The following NDUFA9 variants were observed in gnomAD, a reference collection of about 807,000 sequenced individuals.
NDUFA9 encodes the protein NADH dehydrogenase [ubiquinone] 1 alpha subcomplex subunit 9, mitochondrial.
A neutral mutation model predicts 45.9 loss-of-function variants in NDUFA9; 23 were observed. That is an observed-to-expected ratio of 0.50 (90% CI 0.36 to 0.71). The LOEUF (loss-of-function observed/expected upper bound fraction) is 0.71, where lower values mean the gene tolerates loss of function less well. Among genes scored for constraint, NDUFA9 ranks in the 30% least tolerant of loss-of-function variants. The pLI, the probability that NDUFA9 is intolerant of heterozygous loss-of-function variation, is 0.00. For missense variants in NDUFA9, 466 were observed against 488.2 expected (o/e 0.95, Z 0.43); for synonymous variants, 176 against 170.5 (o/e 1.03, Z -0.25).
At chr12:4,678,201 G>A (rs562052858) in intron 8 of NDUFA9, among the ~76,000 whole-genome samples, 1 of 151,948 alleles carries the variant, frequency 6.6e-6, no homozygotes, top group African/African-American at 2.4e-5. Context: ...GTTGATGGGT[G>A]CAGCAAACCA....
chr12:4,658,974 G>A (rs1051402251), intron 4 of NDUFA9, 62 bp from the exon 5 acceptor site: 75 of 1,479,290 alleles, frequency 5.1e-5, no homozygotes, highest in Middle Eastern at 2.4e-4. Context: ...ATCTTATCAC[G>A]TAAAGCTTTG....
chr12:4,681,428 C>G (rs1489442332), intron 8 of NDUFA9, among the ~76,000 whole-genome samples: 11 of 149,726 alleles, frequency 7.3e-5, no homozygotes, highest in African/African-American at 2.7e-4. Flanking sequence ...TATAAATGAC[C>G]AAAAATTCGT....
In NDUFA9 at chr12:4,685,218, G is replaced by A. The variant is rs780026348; in HGVS notation, c.897-41G>A. 1.4e-4 allele frequency: 213 copies of A among 1,536,870 alleles called. 3 individuals are homozygous for A. The South Asian group carries it at 1.7e-3, about 12-fold the overall frequency. On this transcript the variant is annotated intron_variant, in intron 9 of 10. Transcript: ENST00000266544. ...TAGGCTAGCTTACATCTTGGGCAGAGAGATGCTTATCACATGTGCTATATG... is the reference window on the plus strand; with the variant it reads ...TAGGCTAGCTTACATCTTGGGCAGAAAGATGCTTATCACATGTGCTATATG...
intron 8 of NDUFA9, among the ~76,000 whole-genome samples, chr12:4,677,702 G>A (rs1342489622): frequency 6.6e-6 from 1 of 151,404 alleles, no homozygotes; most frequent in Non-Finnish European, 1.5e-5. Flanking sequence ...TGGTGGAAGT[G>A]TAAACCATTG....
rs568711777 is a variant in NDUFA9, at chr12:4,656,999, CTCTCTT to C, written c.319-740_319-735del. 1.6e-4 allele frequency among the ~76,000 whole-genome samples: 24 copies of C among 152,320 alleles called. No individual in the cohort carries two copies. The South Asian group carries it at 3.9e-3, about 25-fold the overall frequency. ...TAAATTAAACAGACATCCTAGTTCT[CTCTCTT>C]TCTCTTTCATCCCCACTTTCTTTCT... is the stretch of plus-strand genomic sequence containing the variant. On this transcript the variant is annotated intron_variant, in intron 3 of 10. Transcript: ENST00000266544.
chr12:4,668,650 C>G, intron 7 of NDUFA9, 126 bp downstream of exon 7: 1 of 858,822 alleles, frequency 1.2e-6, no homozygotes, highest in South Asian at 1.5e-5. Flanking sequence ...TGTCAGCTAG[C>G]TGCCTCTTAG....
intron 8 of NDUFA9, among the ~76,000 whole-genome samples, chr12:4,676,836 T>C (rs552401981): frequency 6.6e-6 from 1 of 152,272 alleles, no homozygotes; most frequent in Non-Finnish European, 1.5e-5. Context: ...AGAGCCCACA[T>C]AGCCAAGACA....
Position 4,649,141 on chromosome 12 carries a change from A to G in NDUFA9, c.15A>G (p.Ala5=). 1 of 1,605,166 alleles carries G rather than the reference A, an allele frequency of 6.2e-7. No homozygotes were observed. Among genetic ancestry groups the G allele is most frequent in the Non-Finnish European group, 8.5e-7 (1 of 1,176,120 alleles). The change falls in exon 1 of 11, where the codon GCA becomes GCG. Residue 5 remains alanine (A), a synonymous_variant. Transcript: ENST00000266544. MAAA[A]QSRVVRVLSM... is the part of the protein sequence containing the mutation. ...TGTGGGAAAAGATGGCGGCTGCCGC[A>G]CAATCCCGGGTTGTCCGGGTCCTGT...
chr12:4,653,447 G>A, intron 1 of NDUFA9: 1 of 300,446 alleles, frequency 3.3e-6, no homozygotes, highest in Non-Finnish European at 6.4e-6. Context: ...CTCCACAGGT[G>A]TTCAGGCAAA....
intron 1 of NDUFA9, among the ~76,000 whole-genome samples, chr12:4,653,990 C>T (rs1945774455): frequency 6.6e-6 from 1 of 152,148 alleles, no homozygotes; most frequent in South Asian, 2.1e-4. Context: ...TACATATTCT[C>T]AGTTCCTTTT....
intron 1 of NDUFA9, among the ~76,000 whole-genome samples, chr12:4,651,901 C>A (rs1315941437): frequency 6.6e-6 from 1 of 152,196 alleles, no homozygotes; most frequent in Non-Finnish European, 1.5e-5. Context: ...GGGAAAACTT[C>A]AGACTAACTG....
At position 4,687,144 on chromosome 12, in the gene NDUFA9, G is replaced by C. The variant is rs780779144; in HGVS notation, c.*36G>C. ...GCAGCTCTTGGTTTTGGCGTCTTTT[G>C]GGTCGGCCCATGTGGTTTGAGCACC... On this transcript the variant is annotated 3_prime_UTR_variant, in exon 11 of 11. Transcript: ENST00000266544. 1.9e-6 allele frequency: 3 copies of C among 1,607,128 alleles called. No homozygotes were observed. The African/African-American group carries it at 4.0e-5, about 21-fold the overall frequency.
intron 8 of NDUFA9, among the ~76,000 whole-genome samples, chr12:4,673,611 AAAGAC>A (rs1407292143): frequency 1.6e-5 from 2 of 126,864 alleles, no homozygotes; most frequent in East Asian, 2.3e-4. Flanking sequence ...AATAAAGTGA[AAAGAC>A]AAGATAAGAG....
intron 8 of NDUFA9, among the ~76,000 whole-genome samples, chr12:4,672,340 T>C: frequency 6.6e-6 from 1 of 152,124 alleles, no homozygotes; most frequent in East Asian, 1.9e-4. Flanking sequence ...CGCAGGAGTT[T>C]TTTTTCCATA....
At chr12:4,650,313 T>C (rs1014733046) in intron 1 of NDUFA9, among the ~76,000 whole-genome samples, 1 of 152,166 alleles carries the variant, frequency 6.6e-6, no homozygotes, top group Non-Finnish European at 1.5e-5. Flanking sequence ...ACATCACTTA[T>C]AGTGGATGGT....
intron 8 of NDUFA9, among the ~76,000 whole-genome samples, chr12:4,678,966 A>C (rs1160421377): frequency 6.6e-6 from 1 of 152,204 alleles, no homozygotes; most frequent in Non-Finnish European, 1.5e-5. Context: ...AAAGATTTGC[A>C]CTTGAATTTT....
At position 4,685,251 on chromosome 12, in the gene NDUFA9, C is replaced by T. The variant is rs2137488744; in HGVS notation, c.897-8C>T. On this transcript the variant is annotated splice_region_variant and splice_polypyrimidine_tract_variant and intron_variant, in intron 9 of 10. Coordinates refer to ENST00000266544, the MANE Select transcript of NDUFA9 (RefSeq NM_005002.5). Reference sequence around the variant, plus strand: ...TATCACATGTGCTATATGTATTTCTCTTTCCAGATGGGTAGCAAGAGTCTT... The same window carrying T: ...TATCACATGTGCTATATGTATTTCTTTTTCCAGATGGGTAGCAAGAGTCTT... 1.2e-6 allele frequency: 2 copies of T among 1,611,702 alleles called. No individual in the cohort carries two copies. The highest frequency in any genetic ancestry group is 1.3e-5 in the African/African-American group (1 of 74,988).
intron 8 of NDUFA9, among the ~76,000 whole-genome samples, chr12:4,673,093 T>TGATACCCACACCTCTG (rs1280227038): frequency 6.6e-6 from 1 of 152,022 alleles, no homozygotes; most frequent in African/African-American, 2.4e-5. Flanking sequence ...GCAAACAGGG[T>TGATACCCACACCTCTG]CTGGTGTGGA....
rs925710126 is a variant in NDUFA9, at chr12:4,671,638, A to C, written c.800+1821A>C. Among the ~76,000 whole-genome samples, 11 of 152,308 alleles carry C rather than the reference A, an allele frequency of 7.2e-5. No individual in the cohort carries two copies. The East Asian group carries it at 2.1e-3, about 29-fold the overall frequency. ...GGTAATGCAAAGACCCACAATAGAC[A>C]AAACCATTAAGTTTCATAATTTCAA... On this transcript the variant is annotated intron_variant, in intron 8 of 10. Coordinates refer to ENST00000266544, the MANE Select transcript of NDUFA9 (RefSeq NM_005002.5).
Sources: gnomAD v4.1 joint callset for allele counts (sites outside exome capture counted in the v4.1 genomes callset) on GRCh38, gnomAD v4.1.1 for gene constraint, MANE v1.5 for transcripts, NCBI Gene and HGNC (gene_info 2026-07-23, HGNC 2026-07-21) for gene names.